Variants in GRM5 observed in about 807,000 individuals in gnomAD.
GRM5 encodes the protein glutamate metabotropic receptor 5, also known as metabotropic glutamate receptor 5.
In GRM5, 19 loss-of-function variants were observed where a neutral mutation model predicts 83.1. The ratio of observed to expected loss-of-function variants is 0.23; its 90% CI spans 0.16 to 0.34. GRM5 has a LOEUF of 0.34. Among genes scored for constraint, GRM5 ranks in the 10% least tolerant of loss-of-function variants. GRM5 has a pLI of 1.00. For synonymous variants in GRM5, 675 were observed against 633.6 expected (o/e 1.07, Z -0.98); for missense variants, 1,160 against 1,588.3 (o/e 0.73, Z 4.58).
chr11:88,512,263 A>G (rs79297017), intron 9 of GRM5: 4 of 93,334 alleles, frequency 4.3e-5, no homozygotes, highest in African/African-American at 1.9e-4. Context: ...GCCCATGGCC[A>G]TAAGGGAGAA....
chr11:88,845,558 A>C (rs1944288807), intron 3 of GRM5, among the ~76,000 whole-genome samples: 1 of 148,970 alleles, frequency 6.7e-6, no homozygotes. Flanking sequence ...CTCAGCCTCC[A>C]GAGTAGCTGG....
intron 1 of GRM5, among the ~76,000 whole-genome samples, chr11:89,055,969 G>A (rs1439911396): frequency 1.3e-5 from 2 of 152,126 alleles, no homozygotes; most frequent in African/African-American, 4.8e-5. Context: ...TCCCAAGCAA[G>A]TGGGTAGTAC....
intron 3 of GRM5, among the ~76,000 whole-genome samples, chr11:88,811,094 C>CT (rs963800247): frequency 1.3e-5 from 2 of 151,518 alleles, no homozygotes; most frequent in East Asian, 1.9e-4. Flanking sequence ...CTAGAAACAC[C>CT]TTTTTTTGTT....
At chr11:88,522,564 C>T (rs1275257306) in intron 9 of GRM5, among the ~76,000 whole-genome samples, 1 of 134,846 alleles carries the variant, frequency 7.4e-6, no homozygotes, top group Admixed American at 7.3e-5. Flanking sequence ...CATGGCAGGT[C>T]TCTCTTCTCT....
At chr11:88,703,376 G>A (rs893377551) in intron 3 of GRM5, among the ~76,000 whole-genome samples, 1 of 68,092 alleles carries the variant, frequency 1.5e-5, no homozygotes, top group Non-Finnish European at 5.4e-5. Flanking sequence ...GATAGTACTG[G>A]ACACCTGAGG....
intron 8 of GRM5, among the ~76,000 whole-genome samples, chr11:88,531,781 A>T (rs1942014932): frequency 6.6e-6 from 1 of 152,132 alleles, no homozygotes; most frequent in Non-Finnish European, 1.5e-5. Context: ...ATCCTGCTCC[A>T]GGTTTTGTTC....
chr11:89,048,217 T>G, intron 1 of GRM5, 145 bp from the exon 2 acceptor site: 1 of 238,200 alleles, frequency 4.2e-6, no homozygotes, highest in Non-Finnish European at 8.2e-6. Flanking sequence ...TGACTTTCCT[T>G]TGTCTGCTTC....
chr11:88,557,367 ATCTCT>A (rs1382084765), intron 8 of GRM5, among the ~76,000 whole-genome samples: 1 of 152,142 alleles, frequency 6.6e-6, no homozygotes, highest in Admixed American at 6.6e-5. Context: ...AGATTAATTT[ATCTCT>A]TCTCTAGCAG....
chr11:88,682,714 G>A lies in GRM5; in HGVS notation c.912-29311C>T, dbSNP rs544246417. On this transcript the variant is annotated intron_variant, in intron 3 of 9. Coordinates refer to ENST00000305447, the MANE Select transcript of GRM5 (RefSeq NM_001143831.3). ...CTTTGTTTATATTTCTGTTAATGCA[G>A]TTCTCTCTAATCATAGTAAGACAGG... Among the ~76,000 whole-genome samples, 70 of 152,174 alleles carry A rather than the reference G, an allele frequency of 4.6e-4. 1 individual carries two copies. Among genetic ancestry groups the A allele is most frequent in the African/African-American group, 1.6e-3 (68 of 41,522 alleles).
chr11:88,850,144 C>G lies in GRM5; in HGVS notation c.673G>C (p.Glu225Gln). 1 of 1,288,838 alleles carries G rather than the reference C, an allele frequency of 7.8e-7. No individual in the cohort carries two copies. Among genetic ancestry groups the G allele is most frequent in the Non-Finnish European group, 1.1e-6 (1 of 884,332 alleles). The allele number at this position is 1,288,838 out of a possible 1,614,324, so 79.8% of individuals were successfully genotyped here. A position where few individuals can be genotyped will look rare whatever the true frequency, so the allele number is the denominator to read the frequency against. The change falls in exon 3 of 10, where the codon GAA becomes CAA. Residue 225 changes from glutamate to glutamine, a missense_variant. Coordinates refer to ENST00000305447, the MANE Select transcript of GRM5 (RefSeq NM_001143831.3). Reference sequence around the variant, plus strand: ...TCTTTGAAGGCTTCCATCCCACTTTCTCCATAGTTGCCTGTGTGAAAACAT... The same window carrying G: ...TCTTTGAAGGCTTCCATCCCACTTTGTCCATAGTTGCCTGTGTGAAAACAT... ...SAVHTEGNYG[E>Q]SGMEAFKDMS... is the part of the protein sequence containing the mutation.
At chr11:88,593,686 A>AC (rs1937708516) in intron 6 of GRM5, among the ~76,000 whole-genome samples, 2 of 149,750 alleles carry the variant, frequency 1.3e-5, no homozygotes, top group East Asian at 2.0e-4. Context: ...CAAAAAAAAA[A>AC]ACAAAAAATT....
intron 2 of GRM5, among the ~76,000 whole-genome samples, chr11:88,911,599 G>C (rs1438732030): frequency 2.6e-5 from 4 of 152,108 alleles, no homozygotes; most frequent in African/African-American, 7.2e-5. Context: ...AGGGTTCACA[G>C]ACTTTGTTTT....
intron 9 of GRM5, chr11:88,511,898 G>A (rs1249896088): frequency 1.3e-5 from 2 of 152,172 alleles, no homozygotes; most frequent in Non-Finnish European, 2.9e-5. Context: ...ATTATTTCAG[G>A]TCACTAAGTC....
At chr11:89,056,268 T>G in intron 1 of GRM5, among the ~76,000 whole-genome samples, 1 of 152,148 alleles carries the variant, frequency 6.6e-6, no homozygotes, top group African/African-American at 2.4e-5. Flanking sequence ...TCTGTCTCAT[T>G]AACATCATCA....
chr11:88,721,280 T>A (rs1239244867), intron 3 of GRM5, among the ~76,000 whole-genome samples: 1 of 152,106 alleles, frequency 6.6e-6, no homozygotes, highest in Non-Finnish European at 1.5e-5. Context: ...CAATCTTTTT[T>A]GGTGGGAGTG....
chr11:88,955,772 C>A (rs930029684), intron 2 of GRM5, among the ~76,000 whole-genome samples: 1 of 152,192 alleles, frequency 6.6e-6, no homozygotes, highest in African/African-American at 2.4e-5. Flanking sequence ...ATGCCTCCCA[C>A]TACAGAAAGT....
intron 2 of GRM5, among the ~76,000 whole-genome samples, chr11:88,941,501 G>GGAGAGGA (rs1565302412): frequency 2.9e-5 from 1 of 34,986 alleles, no homozygotes; most frequent in African/African-American, 6.2e-5. Context: ...GGAGAGGAGG[G>GGAGAGGA]GAGAGGAGGG....
intron 2 of GRM5, among the ~76,000 whole-genome samples, chr11:88,945,982 T>C (rs1235511662): frequency 6.6e-6 from 1 of 151,970 alleles, no homozygotes; most frequent in African/African-American, 2.4e-5. Context: ...ATCTACAAAC[T>C]ATGCATCTGA....
At chr11:88,848,691 G>A (rs1235036870) in intron 3 of GRM5, among the ~76,000 whole-genome samples, 1 of 152,144 alleles carries the variant, frequency 6.6e-6, no homozygotes, top group Non-Finnish European at 1.5e-5. Flanking sequence ...TCAAAACTAC[G>A]ATGTTGTCTT....
Sources: gnomAD v4.1 joint callset for allele counts (sites outside exome capture counted in the v4.1 genomes callset) on GRCh38, gnomAD v4.1.1 for gene constraint, MANE v1.5 for transcripts, NCBI Gene and HGNC (gene_info 2026-07-23, HGNC 2026-07-21) for gene names.